Variants in ENOX1 observed in about 807,000 individuals in gnomAD.
The protein encoded by ENOX1 is candidate growth-related and time keeping constitutive hydroquinone (NADH) oxidase.
ENOX1 carries 42 observed loss-of-function variants against 82.5 expected under a neutral mutation model. The observed-to-expected ratio is 0.51, with a 90% CI of 0.40 to 0.66. The LOEUF is 0.66. ENOX1 is among the 30% of genes least tolerant of loss of function. The pLI, the probability that ENOX1 is intolerant of heterozygous loss-of-function variation, is 0.00. For missense variants in ENOX1, 608 were observed against 811.6 expected (o/e 0.75, Z 3.05); for synonymous variants, 271 against 282.2 (o/e 0.96, Z 0.40).
intron 2 of ENOX1, among the ~76,000 whole-genome samples, chr13:43,506,149 C>T (rs949211032): frequency 2.0e-5 from 3 of 151,998 alleles, no homozygotes; most frequent in Non-Finnish European, 4.4e-5. Flanking sequence ...GTTTTGGTTA[C>T]TGTAGTCTTG....
chr13:43,222,849 C>G (rs919248059), intron 16 of ENOX1, among the ~76,000 whole-genome samples: 1 of 152,134 alleles, frequency 6.6e-6, no homozygotes, highest in African/African-American at 2.4e-5. Context: ...AATGCTTTCT[C>G]TTTCTTACCT....
intron 2 of ENOX1, among the ~76,000 whole-genome samples, chr13:43,623,064 C>T (rs1327086017): frequency 6.6e-6 from 1 of 152,102 alleles, no homozygotes; most frequent in East Asian, 1.9e-4. Context: ...ACAGGCCTTA[C>T]CCAGCTCCCA....
chr13:43,508,502 G>A (rs147849015), intron 2 of ENOX1, among the ~76,000 whole-genome samples: 25 of 152,000 alleles, frequency 1.6e-4, no homozygotes, highest in Non-Finnish European at 3.5e-4. Flanking sequence ...TCTTAAAAAG[G>A]AATCATTTGG....
intron 1 of ENOX1, among the ~76,000 whole-genome samples, chr13:43,737,289 G>A (rs1319881166): frequency 6.6e-6 from 1 of 152,224 alleles, no homozygotes; most frequent in Non-Finnish European, 1.5e-5. Flanking sequence ...GAATAGAGGT[G>A]TCACATATCT....
intron 2 of ENOX1, among the ~76,000 whole-genome samples, chr13:43,593,471 A>G (rs1372206883): frequency 2.6e-4 from 2 of 7,710 alleles, no homozygotes; most frequent in Non-Finnish European, 0.01. Context: ...GAAACCCTTA[A>G]AACAAAACAA....
At chr13:43,243,479 G>A (rs1053248321) in intron 14 of ENOX1, among the ~76,000 whole-genome samples, 15 of 152,038 alleles carry the variant, frequency 9.9e-5, no homozygotes, top group African/African-American at 2.9e-4. Context: ...TTAGGGATGC[G>A]GTCTCACTAT....
At chr13:43,243,042 A>G (rs1367100594) in intron 14 of ENOX1, among the ~76,000 whole-genome samples, 1 of 150,488 alleles carries the variant, frequency 6.6e-6, no homozygotes, top group Non-Finnish European at 1.5e-5. Flanking sequence ...AGGCTGAGAC[A>G]GGAGAATTGC....
intron 2 of ENOX1, among the ~76,000 whole-genome samples, chr13:43,563,935 T>C (rs1218615004): frequency 1.3e-5 from 2 of 151,390 alleles, no homozygotes; most frequent in African/African-American, 2.5e-5. Context: ...ATATCACTTC[T>C]ATTTAAATTA....
chr13:43,399,197 G>A (rs972064513), intron 5 of ENOX1, among the ~76,000 whole-genome samples: 9 of 152,028 alleles, frequency 5.9e-5, no homozygotes, highest in Non-Finnish European at 1.2e-4. Context: ...AACTGTTTAC[G>A]CTATTATAAG....
At chr13:43,480,183 C>G (rs1054597101) in intron 3 of ENOX1, among the ~76,000 whole-genome samples, 2 of 152,106 alleles carry the variant, frequency 1.3e-5, no homozygotes, top group Non-Finnish European at 2.9e-5. Flanking sequence ...AGGTGATCCA[C>G]CCGCCTCGGC....
chr13:43,639,114 G>T (rs753586250), intron 2 of ENOX1, among the ~76,000 whole-genome samples: 283 of 17,768 alleles, frequency 0.016, no homozygotes, highest in Admixed American at 0.043. Context: ...GACCAGCCTG[G>T]CCAACAGGGC....
chr13:43,602,542 C>T (rs1410064549), intron 2 of ENOX1, among the ~76,000 whole-genome samples: 1 of 151,748 alleles, frequency 6.6e-6, no homozygotes, highest in Admixed American at 6.6e-5. Context: ...ATGAATATGC[C>T]CAGCACTTAA....
chr13:43,546,671 A>G (rs1361807372), intron 2 of ENOX1: 2 of 152,188 alleles, frequency 1.3e-5, no homozygotes, highest in East Asian at 1.9e-4. Flanking sequence ...CTGCTTTTTC[A>G]TTATTTGTGA....
At chr13:43,391,882 T>G (rs79378044) in intron 5 of ENOX1, among the ~76,000 whole-genome samples, 7,445 of 152,236 alleles carry the variant, frequency 0.049, 523 homozygotes, top group African/African-American at 0.15. Context: ...ATAAATCACC[T>G]TCAATCAATT....
intron 16 of ENOX1, among the ~76,000 whole-genome samples, chr13:43,217,347 C>A (rs1038114865): frequency 6.6e-6 from 1 of 152,194 alleles, no homozygotes; most frequent in Admixed American, 6.5e-5. Flanking sequence ...TGCTCGGGCA[C>A]CCCCACATTA....
intron 5 of ENOX1, among the ~76,000 whole-genome samples, chr13:43,391,011 C>T (rs74461823): frequency 0.011 from 1,737 of 152,236 alleles, 30 homozygotes; most frequent in African/African-American, 0.04. Context: ...TATGTACCAT[C>T]TCACCCGTTT....
At position 43,667,525 on chromosome 13, in the gene ENOX1, T is replaced by A; in HGVS notation, c.-265A>T. 2.0e-6 allele frequency: 2 copies of A among 985,070 alleles called. No individual in the cohort carries two copies. The highest frequency in any genetic ancestry group is 2.4e-6 in the Non-Finnish European group (2 of 829,500). 61.0% of individuals were successfully genotyped at this position (985,070 alleles called of 1,614,324 possible). A position where few individuals can be genotyped will look rare whatever the true frequency, so the allele number is the denominator to read the frequency against. ...TCCTCCACATATTATAAATACGACA[T>A]CATGCTGGCAGCAAAGGACCTGTAA... On this transcript the variant is annotated 5_prime_UTR_variant, in exon 2 of 17. An upstream start codon of the reference 5' UTR is lost. Transcript: ENST00000690772.
At chr13:43,590,627 T>A (rs1242742830) in intron 2 of ENOX1, among the ~76,000 whole-genome samples, 3 of 129,112 alleles carry the variant, frequency 2.3e-5, no homozygotes, top group African/African-American at 5.9e-5. Flanking sequence ...ACAAAAAAAA[T>A]TAGCTGGGCA....
intron 2 of ENOX1, among the ~76,000 whole-genome samples, chr13:43,516,818 A>G (rs866707378): frequency 3.9e-5 from 6 of 152,184 alleles, no homozygotes; most frequent in Non-Finnish European, 7.3e-5. Context: ...TCCTCAAACA[A>G]AGCAGCCCCA....
Sources: gnomAD v4.1 joint callset for allele counts (sites outside exome capture counted in the v4.1 genomes callset) on GRCh38, gnomAD v4.1.1 for gene constraint, MANE v1.5 for transcripts, NCBI Gene and HGNC (gene_info 2026-07-23, HGNC 2026-07-21) for gene names.